The following PITPNC1 variants were observed in gnomAD, a reference collection of about 807,000 sequenced individuals.
PITPNC1 encodes the protein cytoplasmic phosphatidylinositol transfer protein 1.
Under a neutral mutation model 44.7 loss-of-function variants are expected in PITPNC1, and 18 were observed. The observed-to-expected ratio is 0.40, with a 90% CI of 0.28 to 0.60. The LOEUF is 0.60. Ranked by LOEUF, PITPNC1 falls within the 20% of genes least tolerant of loss-of-function variation. The probability of loss-of-function intolerance (pLI) is 0.39; values close to 1 mark genes in which losing one functional copy is unlikely to be tolerated. For missense variants in PITPNC1, 290 were observed against 418.4 expected (o/e 0.69, Z 2.68); for synonymous variants, 141 against 149.6 (o/e 0.94, Z 0.42).
At chr17:67,634,072 A>G (rs1272695214) in intron 6 of PITPNC1, among the ~76,000 whole-genome samples, 1 of 152,228 alleles carries the variant, frequency 6.6e-6, no homozygotes, top group Non-Finnish European at 1.5e-5. Flanking sequence ...AACCTCCACT[A>G]GAAAGCTTCC....
At chr17:67,687,193 A>G in intron 8 of PITPNC1, 3 of 1,423,022 alleles carry the variant, frequency 2.1e-6, no homozygotes, top group Non-Finnish European at 2.0e-6. Context: ...GTGTACGTAG[A>G]ATTTTTAAAA....
intron 1 of PITPNC1, among the ~76,000 whole-genome samples, chr17:67,410,476 C>G (rs2038478427): frequency 6.6e-6 from 1 of 152,112 alleles, no homozygotes; most frequent in Non-Finnish European, 1.5e-5. Context: ...TGCGACCTCC[C>G]AATCCCGAGT....
At chr17:67,612,167 G>A (rs1375117935) in intron 5 of PITPNC1, 1 of 152,298 alleles carries the variant, frequency 6.6e-6, no homozygotes, top group Non-Finnish European at 1.5e-5. Flanking sequence ...TATCTTGCCA[G>A]GCAGATAGGG....
intron 5 of PITPNC1, among the ~76,000 whole-genome samples, chr17:67,608,906 T>C (rs866799085): frequency 1.3e-5 from 2 of 152,180 alleles, no homozygotes; most frequent in African/African-American, 4.8e-5. Context: ...TTCTCATGAT[T>C]AGATTCAGAC....
intron 1 of PITPNC1, among the ~76,000 whole-genome samples, chr17:67,409,251 A>AT (rs2038455070): frequency 6.8e-6 from 1 of 146,480 alleles, no homozygotes; most frequent in African/African-American, 2.5e-5. Context: ...CGCCCGGCTA[A>AT]TTTTTTGTAT....
intron 1 of PITPNC1, among the ~76,000 whole-genome samples, chr17:67,439,083 C>T (rs926688816): frequency 6.6e-6 from 1 of 152,204 alleles, no homozygotes; most frequent in Non-Finnish European, 1.5e-5. Flanking sequence ...TTCGGACACA[C>T]AGTAGGTGCT....
intron 1 of PITPNC1, among the ~76,000 whole-genome samples, chr17:67,393,198 C>T (rs1440524562): frequency 6.6e-6 from 1 of 151,786 alleles, no homozygotes; most frequent in East Asian, 1.9e-4. Flanking sequence ...TAAAACTTTT[C>T]GAGTGTACAG....
intron 1 of PITPNC1, among the ~76,000 whole-genome samples, chr17:67,436,947 C>G (rs1018979691): frequency 9.7e-6 from 1 of 102,922 alleles, no homozygotes; most frequent in Non-Finnish European, 1.8e-5. Flanking sequence ...GAGACAGGAT[C>G]TCACTCTGCT....
At chr17:67,504,899 A>C (rs2040081423) in intron 1 of PITPNC1, among the ~76,000 whole-genome samples, 1 of 152,242 alleles carries the variant, frequency 6.6e-6, no homozygotes, top group Non-Finnish European at 1.5e-5. Context: ...TAGGTAGCAC[A>C]GCCTTAGCTG....
rs138491542 is a variant in PITPNC1 at position 67,576,517 on chromosome 17, G to A, written c.295-1669G>A. ...CTGTGATGCTATCAGGCCAAGTCTG[G>A]TTTCCCCAACACCCACAGATCCCAA... On this transcript the variant is annotated intron_variant, in intron 4 of 8. Transcript: ENST00000581322. Among the ~76,000 whole-genome samples, 728 of 152,274 alleles carry A rather than the reference G, an allele frequency of 4.8e-3. 9 individuals carry two copies. Among genetic ancestry groups the A allele is most frequent in the African/African-American group, 0.017 (695 of 41,544 alleles).
chr17:67,453,571 G>A (rs149871548), intron 1 of PITPNC1, among the ~76,000 whole-genome samples: 1 of 152,282 alleles, frequency 6.6e-6, no homozygotes, highest in South Asian at 2.1e-4. Flanking sequence ...AACATTTTCT[G>A]TAAAGAGAGT....
chr17:67,569,058 AT>A (rs2041018112), intron 4 of PITPNC1, among the ~76,000 whole-genome samples: 1 of 151,866 alleles, frequency 6.6e-6, no homozygotes, highest in Admixed American at 6.6e-5. Flanking sequence ...CAGGGCCCCC[AT>A]TCACTGCAGC....
At chr17:67,686,908 G>T (rs2042826127) in intron 8 of PITPNC1, among the ~76,000 whole-genome samples, 1 of 152,066 alleles carries the variant, frequency 6.6e-6, no homozygotes, top group African/African-American at 2.4e-5. Flanking sequence ...CCTTTGGTTG[G>T]TTTAGCTAAC....
At chr17:67,674,810 G>A (rs1019253899) in intron 7 of PITPNC1, among the ~76,000 whole-genome samples, 2 of 151,936 alleles carry the variant, frequency 1.3e-5, no homozygotes, top group East Asian at 1.9e-4. Context: ...TCAAGAGATC[G>A]AGACCATCCT....
intron 1 of PITPNC1, among the ~76,000 whole-genome samples, chr17:67,496,118 T>A (rs2039949229): frequency 6.6e-6 from 1 of 152,196 alleles, no homozygotes; most frequent in African/African-American, 2.4e-5. Context: ...AGAGTGCTTT[T>A]GGAATACTAC....
intron 6 of PITPNC1, among the ~76,000 whole-genome samples, chr17:67,659,434 C>T (rs1034106633): frequency 6.6e-6 from 1 of 152,198 alleles, no homozygotes; most frequent in Non-Finnish European, 1.5e-5. Context: ...ACATGGCTAG[C>T]TTGGGCCTCC....
At chr17:67,470,758 A>G (rs2039513246) in intron 1 of PITPNC1, among the ~76,000 whole-genome samples, 1 of 151,842 alleles carries the variant, frequency 6.6e-6, no homozygotes, top group African/African-American at 2.4e-5. Flanking sequence ...TGTGGAATAG[A>G]AAGGCGGGAA....
At chr17:67,651,849 G>A (rs867051754) in intron 6 of PITPNC1, among the ~76,000 whole-genome samples, 1 of 152,178 alleles carries the variant, frequency 6.6e-6, no homozygotes, top group Non-Finnish European at 1.5e-5. Flanking sequence ...TTGGTTTTAT[G>A]TGTATCCCTC....
In PITPNC1 at chr17:67,421,850, C is replaced by T. The variant is rs1419010340; in HGVS notation, c.48+43648C>T. Among the ~76,000 whole-genome samples, 8 of 152,268 alleles carry T rather than the reference C, an allele frequency of 5.3e-5. No homozygotes were observed. The South Asian group carries it at 1.2e-3, about 24-fold the overall frequency. On this transcript the variant is annotated intron_variant, in intron 1 of 8. Transcript: ENST00000581322. ...TTATCAAGTTCTGGGAATACAGCGG[C>T]GAATAAGCCACCAAATCCTTCCTTG...
Sources: gnomAD v4.1 joint callset for allele counts (sites outside exome capture counted in the v4.1 genomes callset) on GRCh38, gnomAD v4.1.1 for gene constraint, MANE v1.5 for transcripts, NCBI Gene and HGNC (gene_info 2026-07-23, HGNC 2026-07-21) for gene names.